JAK1: variants seen among roughly 807,000 people sequenced by gnomAD.
JAK1 encodes the protein tyrosine-protein kinase JAK1.
A neutral mutation model predicts 136.6 loss-of-function variants in JAK1; 16 were observed. That is an observed-to-expected ratio of 0.12 (90% confidence interval 0.08 to 0.18). JAK1 has a LOEUF of 0.18. Ranked by LOEUF, JAK1 falls within the 10% of genes least tolerant of loss-of-function variation. The pLI, the probability that JAK1 is intolerant of heterozygous loss-of-function variation, is 1.00. For synonymous variants in JAK1, 492 were observed against 519.5 expected, an observed-to-expected ratio of 0.95 and a Z score of 0.72; for missense variants, 859 against 1,450.1, an observed-to-expected ratio of 0.59 and a Z score of 6.62.
At chr1:64,891,155 A>G (rs1334896427) in intron 1 of JAK1, among the ~76,000 whole-genome samples, 2 of 152,166 alleles carry the variant, frequency 1.3e-5, no homozygotes, top group Non-Finnish European at 2.9e-5. Context: ...AAAAAAAACA[A>G]TATCTACTAA....
chr1:64,843,752 C>T (rs899097530), intron 17 of JAK1, among the ~76,000 whole-genome samples: 13 of 152,246 alleles, frequency 8.5e-5, no homozygotes, highest in African/African-American at 2.9e-4. Context: ...ATAACAGGCA[C>T]TTAAAATCTC....
intron 2 of JAK1, among the ~76,000 whole-genome samples, chr1:65,008,879 G>C (rs1461055416): frequency 2.0e-5 from 3 of 152,172 alleles, no homozygotes; most frequent in Non-Finnish European, 4.4e-5. Context: ...GTAGAGACAG[G>C]GGTCTCCCTA....
At chr1:64,977,372 G>A (rs755162014) in intron 2 of JAK1, among the ~76,000 whole-genome samples, 10 of 151,552 alleles carry the variant, frequency 6.6e-5, no homozygotes, top group Non-Finnish European at 1.0e-4. Context: ...GGCTGGTCTC[G>A]AACCCCTGGG....
chr1:65,064,294 AGCCACG>A (rs1279058386), intron 1 of JAK1, among the ~76,000 whole-genome samples: 33 of 152,356 alleles, frequency 2.2e-4, no homozygotes, highest in Non-Finnish European at 4.0e-4. Flanking sequence ...GGTGGTTAAT[AGCCACG>A]TGGCTAGTGG....
chr1:64,897,360 T>C (rs943870357), intron 1 of JAK1, among the ~76,000 whole-genome samples: 20 of 147,868 alleles, frequency 1.4e-4, no homozygotes, highest in African/African-American at 4.8e-4. Context: ...AACCAGAAGG[T>C]GGAGGTTGCA....
chr1:64,872,266 A>T (rs1486787404), intron 5 of JAK1, among the ~76,000 whole-genome samples: 2 of 152,224 alleles, frequency 1.3e-5, no homozygotes, highest in Admixed American at 6.5e-5. Context: ...CCATCACAGC[A>T]AAGAATCATC....
chr1:64,929,097 T>C (rs983379194), intron 1 of JAK1, among the ~76,000 whole-genome samples: 3 of 152,258 alleles, frequency 2.0e-5, no homozygotes, highest in Non-Finnish European at 4.4e-5. Context: ...TTCAAGCAAG[T>C]ATACTGCTAT....
chr1:64,880,687 C>T (rs1383081041), intron 3 of JAK1, among the ~76,000 whole-genome samples: 3 of 152,258 alleles, frequency 2.0e-5, no homozygotes, highest in Non-Finnish European at 2.9e-5. Flanking sequence ...TTATCTTGGC[C>T]GGGCAAAGTG....
intron 1 of JAK1, among the ~76,000 whole-genome samples, chr1:64,906,614 C>T (rs973142762): frequency 1.1e-4 from 16 of 152,330 alleles, no homozygotes; most frequent in South Asian, 4.1e-4. Context: ...ACTGCTACTA[C>T]GCCATTCTCA....
At chr1:64,978,646 T>C (rs1646517214) in intron 2 of JAK1, among the ~76,000 whole-genome samples, 1 of 152,218 alleles carries the variant, frequency 6.6e-6, no homozygotes. Flanking sequence ...TCAAAATCCA[T>C]TCAGTTTTAC....
At chr1:64,860,414 G>T (rs970663600) in intron 8 of JAK1, 152 bp from the exon 9 acceptor site, 3 of 111,540 alleles carry the variant, frequency 2.7e-5, no homozygotes, top group South Asian at 8.4e-4. Flanking sequence ...TATACCCCTT[G>T]CATGCATTTA....
chr1:64,994,996 A>G (rs1262797714), intron 2 of JAK1: 1 of 150,504 alleles, frequency 6.6e-6, no homozygotes, highest in Non-Finnish European at 1.5e-5. Context: ...CCCAGAATCC[A>G]GCAGGATTGT....
At chr1:64,986,362 C>T (rs1292978051) in intron 2 of JAK1, among the ~76,000 whole-genome samples, 1 of 152,146 alleles carries the variant, frequency 6.6e-6, no homozygotes, top group East Asian at 1.9e-4. Context: ...CCACCTCGGC[C>T]TCCCAAAGTG....
intron 8 of JAK1, among the ~76,000 whole-genome samples, chr1:64,862,125 G>A (rs183146233): frequency 6.6e-6 from 1 of 152,268 alleles, no homozygotes; most frequent in East Asian, 1.9e-4. Flanking sequence ...GGCTGGGAGG[G>A]GACAACGAGG....
intron 1 of JAK1, among the ~76,000 whole-genome samples, chr1:64,923,867 A>G (rs1178677875): frequency 6.6e-6 from 1 of 152,202 alleles, no homozygotes; most frequent in African/African-American, 2.4e-5. Flanking sequence ...CATTTATGTC[A>G]TAATGCTCTC....
intron 8 of JAK1, among the ~76,000 whole-genome samples, chr1:64,862,507 C>A (rs369587492): frequency 2.0e-5 from 3 of 152,160 alleles, no homozygotes; most frequent in African/African-American, 7.2e-5. Flanking sequence ...TCAAGTATTT[C>A]TTTCTTCCTG....
chr1:65,049,126 A>G (rs935287775), intron 1 of JAK1, among the ~76,000 whole-genome samples: 2 of 152,300 alleles, frequency 1.3e-5, no homozygotes, highest in African/African-American at 2.4e-5. Context: ...GGACTTCAAA[A>G]GGAGTAAGGG....
intron 17 of JAK1, among the ~76,000 whole-genome samples, chr1:64,842,024 A>C (rs1283432537): frequency 2.6e-5 from 4 of 152,254 alleles, no homozygotes; most frequent in Non-Finnish European, 5.9e-5. Context: ...GGAAATTTGA[A>C]AACTTAAATG....
chr1:64,942,206 G>C (rs2100523769), intron 1 of JAK1: 1 of 152,246 alleles, frequency 6.6e-6, no homozygotes, highest in Admixed American at 6.5e-5. Context: ...AATTGCCAGG[G>C]AGAAAAAGAT....
Sources: gnomAD v4.1 joint callset for allele counts (sites outside exome capture counted in the v4.1 genomes callset) on GRCh38, gnomAD v4.1.1 for gene constraint, MANE v1.5 for transcripts, NCBI Gene and HGNC (gene_info 2026-07-23, HGNC 2026-07-21) for gene names.